Variants in TOGARAM1 observed in about 807,000 individuals in gnomAD.
TOGARAM1 encodes the protein TOG array regulator of axonemal microtubules 1.
TOGARAM1 carries 100 observed loss-of-function variants against 166.6 expected under a neutral mutation model. The ratio of observed to expected loss-of-function variants is 0.60; its 90% CI spans 0.51 to 0.71. TOGARAM1 has a LOEUF of 0.71. TOGARAM1 is among the 30% of genes least tolerant of loss of function. TOGARAM1 has a pLI of 0.00. For missense variants in TOGARAM1, 2,029 were observed against 2,102.7 expected, an observed-to-expected ratio of 0.96 and a Z score of 0.69; for synonymous variants, 758 against 763.8, an observed-to-expected ratio of 0.99 and a Z score of 0.13.
chr14:45,065,988 T>C (rs551635262), intron 16 of TOGARAM1, among the ~76,000 whole-genome samples: 4 of 152,352 alleles, frequency 2.6e-5, no homozygotes, highest in African/African-American at 9.6e-5. Flanking sequence ...GGATTCCCAC[T>C]ATGCCCTAAC....
chr14:45,023,869 T>C (rs1880672713), intron 7 of TOGARAM1, among the ~76,000 whole-genome samples: 1 of 152,100 alleles, frequency 6.6e-6, no homozygotes, highest in Admixed American at 6.5e-5. Context: ...GCCTCATGAG[T>C]AGCTGAGAAT....
intron 7 of TOGARAM1, among the ~76,000 whole-genome samples, chr14:45,018,925 A>T (rs922043191): frequency 6.6e-6 from 1 of 152,202 alleles, no homozygotes; most frequent in Non-Finnish European, 1.5e-5. Context: ...TTCCTTTTTT[A>T]GATGGCAGAA....
intron 1 of TOGARAM1, among the ~76,000 whole-genome samples, chr14:44,994,839 T>C (rs149421422): frequency 0.019 from 2,940 of 152,362 alleles, 34 homozygotes; most frequent in African/African-American, 0.039. Context: ...TAGACTTACC[T>C]TTAATTTTAT....
At chr14:44,995,249 T>C (rs1887356717) in intron 1 of TOGARAM1, among the ~76,000 whole-genome samples, 1 of 152,202 alleles carries the variant, frequency 6.6e-6, no homozygotes, top group African/African-American at 2.4e-5. Context: ...TGTAAGAAAA[T>C]ACCCTAAGGG....
intron 16 of TOGARAM1, among the ~76,000 whole-genome samples, chr14:45,064,631 C>G (rs1883055140): frequency 6.6e-6 from 1 of 152,060 alleles, no homozygotes; most frequent in Non-Finnish European, 1.5e-5. Flanking sequence ...CCACCCCTAC[C>G]CTGTCACTCA....
intron 18 of TOGARAM1, 108 bp downstream of exon 18, chr14:45,068,751 T>C: frequency 1.4e-6 from 1 of 730,740 alleles, no homozygotes; most frequent in South Asian, 2.6e-5. Context: ...TTCAGTTTTT[T>C]AAACTTAATA....
At chr14:44,969,150 C>CCTTCCTTCCTTCCTTTCT (rs1566595745) in intron 1 of TOGARAM1, among the ~76,000 whole-genome samples, 75 of 130,068 alleles carry the variant, frequency 5.8e-4, no homozygotes, top group African/African-American at 2.3e-3. Flanking sequence ...TCCTTCCTTT[C>CCTTCCTTCCTTCCTTTCT]TTTCTTTCTT....
chr14:45,054,556 T>C lies in TOGARAM1; in HGVS notation c.4559+7T>C. On this transcript the variant is annotated splice_region_variant and intron_variant, in intron 16 of 19. Transcript: ENST00000361462. ...CTTTCAATTCAGCTGAAAGGTAAGA[T>C]GATGTAATAGTCCTCATCAGAGAAA... The C allele has an allele frequency of 1.9e-6, 3 of 1,569,658 alleles. No homozygotes were observed. In the South Asian group the frequency reaches 3.3e-5, roughly 17 times the overall value.
chr14:44,996,401 G>A (rs190368938), intron 2 of TOGARAM1: 1 of 152,348 alleles, frequency 6.6e-6, no homozygotes, highest in Admixed American at 6.5e-5. Flanking sequence ...GAAGTGTGTG[G>A]GGAACATGTT....
chr14:44,962,738 C>T lies in TOGARAM1; in HGVS notation c.317C>T (p.Ala106Val), dbSNP rs1014681889. Residue 106 changes from alanine (A) to valine (V), a missense_variant, in exon 1 of 20, where the codon GCC (alanine) becomes GTC (valine). Ala to Val is a moderately conservative substitution (Grantham distance 64). This residue lies in a region of TOGARAM1 where 1,453 missense variants were observed against 1,432.2 expected (regional missense o/e 1.01). Transcript: ENST00000361462. Reference protein sequence around the residue: ...DTRLLQLLRTARDPSEAFQAL... With the variant: ...DTRLLQLLRTVRDPSEAFQAL... The stretch of plus-strand genomic sequence containing the variant: ...CGGCTCCTTCAACTCCTCCGCACTG[C>T]CCGGGATCCTTCTGAGGCCTTCCAG... 9.9e-6 allele frequency: 16 copies of T among 1,613,738 alleles called. No homozygotes were observed. Among genetic ancestry groups the T allele is most frequent in the Admixed American group, 6.7e-5 (4 of 60,010 alleles).
chr14:45,066,373 T>TA (rs200216514), intron 16 of TOGARAM1, among the ~76,000 whole-genome samples: 12 of 152,124 alleles, frequency 7.9e-5, no homozygotes, highest in African/African-American at 2.9e-4. Flanking sequence ...GGCTAACTCT[T>TA]ACGAGTCTTC....
At chr14:45,030,818 T>C (rs915749592) in intron 10 of TOGARAM1, among the ~76,000 whole-genome samples, 7 of 152,184 alleles carry the variant, frequency 4.6e-5, no homozygotes, top group African/African-American at 1.7e-4. Flanking sequence ...TGGCCGTAGA[T>C]CTAAGTCCTG....
chr14:44,973,444 C>T (rs1886004734), intron 1 of TOGARAM1, among the ~76,000 whole-genome samples: 1 of 151,918 alleles, frequency 6.6e-6, no homozygotes, highest in African/African-American at 2.4e-5. Context: ...CATAAACACA[C>T]AGACACACAC....
chr14:45,051,709 G>A (rs897906921), intron 14 of TOGARAM1, among the ~76,000 whole-genome samples: 1 of 151,914 alleles, frequency 6.6e-6, no homozygotes, highest in African/African-American at 2.4e-5. Context: ...ACCTGAGCAC[G>A]CCAACACATC....
intron 14 of TOGARAM1, among the ~76,000 whole-genome samples, chr14:45,051,335 G>A (rs1882354563): frequency 6.6e-6 from 1 of 152,120 alleles, no homozygotes; most frequent in Admixed American, 6.6e-5. Context: ...GTTGACTCAG[G>A]CCAGAACATC....
At chr14:44,987,103 C>T (rs926493938) in intron 1 of TOGARAM1, among the ~76,000 whole-genome samples, 2 of 151,746 alleles carry the variant, frequency 1.3e-5, no homozygotes, top group African/African-American at 2.4e-5. Context: ...CCACCACACC[C>T]GGCTAATTTT....
Position 45,012,076 on chromosome 14 carries a change from G to A in TOGARAM1, c.3238+1G>A. 6.5e-7 allele frequency: 1 copy of A among 1,539,626 alleles called. No individual in the cohort carries two copies. The highest frequency in any genetic ancestry group is 8.8e-7 in the Non-Finnish European group (1 of 1,131,924). On this transcript the variant is annotated splice_donor_variant, in intron 7 of 19. Coordinates refer to ENST00000361462, the MANE Select transcript of TOGARAM1 (RefSeq NM_001308120.2). LOFTEE classifies it high-confidence loss of function. ...ATTGCTGAACAAAGCCCCAGTGCAG[G>A]TATTCTATGTCTGTTTATAAAAATA...
chr14:45,006,354 T>C, intron 5 of TOGARAM1, 87 bp downstream of exon 5: 1 of 873,774 alleles, frequency 1.1e-6, no homozygotes, highest in Non-Finnish European at 1.7e-6. Flanking sequence ...AAGTTCTTTT[T>C]ATCCTATAAT....
chr14:44,981,919 C>T (rs1886561577), intron 1 of TOGARAM1, among the ~76,000 whole-genome samples: 1 of 147,260 alleles, frequency 6.8e-6, no homozygotes, highest in Non-Finnish European at 1.5e-5. Context: ...TCTTGGCACA[C>T]TGCAAACTCC....
Sources: gnomAD v4.1 joint callset for allele counts (sites outside exome capture counted in the v4.1 genomes callset) on GRCh38, gnomAD v4.1.1 for gene constraint, gnomAD v4.1.1 regional missense constraint, MANE v1.5 for transcripts, NCBI Gene and HGNC (gene_info 2026-07-23, HGNC 2026-07-21) for gene names.